CTBP2: variants seen among roughly 807,000 people sequenced by gnomAD.
The protein encoded by CTBP2 is C-terminal binding protein 2.
In CTBP2, 30 loss-of-function variants were observed where a neutral mutation model predicts 80.3. The observed-to-expected ratio is 0.37, with a 90% confidence interval of 0.28 to 0.51. The LOEUF (loss-of-function observed/expected upper bound fraction) is 0.51. Ranked by LOEUF, CTBP2 falls within the 20% of genes least tolerant of loss-of-function variation. The probability of loss-of-function intolerance (pLI) is 0.93; values close to 1 mark genes in which losing one functional copy is unlikely to be tolerated. For synonymous variants in CTBP2, 594 were observed against 587.4 expected, an observed-to-expected ratio of 1.01 and a Z score of -0.16; for missense variants, 1,212 against 1,375.3, an observed-to-expected ratio of 0.88 and a Z score of 1.88.
chr10:125,068,354 A>T (rs1428442168), intron 2 of CTBP2, among the ~76,000 whole-genome samples: 1 of 152,290 alleles, frequency 6.6e-6, no homozygotes, highest in Non-Finnish European at 1.5e-5. Context: ...ACAGGGAGTT[A>T]TATAAACCAA....
At chr10:125,162,391 G>A (rs999814478), upstream of CTBP2, 2 of 152,292 alleles carry the variant, frequency 1.3e-5, no homozygotes, top group Non-Finnish European at 2.9e-5. Context: ...GCATCCCAAA[G>A]AGCGTTGCTC....
intron 2 of CTBP2, among the ~76,000 whole-genome samples, chr10:125,084,915 G>A (rs1398274942): frequency 2.0e-5 from 3 of 152,196 alleles, no homozygotes; most frequent in Non-Finnish European, 2.9e-5. Context: ...GAGTTCCGCC[G>A]TCGCCACGTC....
At chr10:125,045,872 G>A (rs1961109840) in intron 2 of CTBP2, among the ~76,000 whole-genome samples, 1 of 151,980 alleles carries the variant, frequency 6.6e-6, no homozygotes, top group Admixed American at 6.6e-5. Flanking sequence ...TTTCCCCAGG[G>A]AGCACCCAGC....
intron 3 of CTBP2, among the ~76,000 whole-genome samples, chr10:125,036,235 G>A (rs1370121976): frequency 1.3e-5 from 2 of 152,154 alleles, no homozygotes; most frequent in Non-Finnish European, 2.9e-5. Flanking sequence ...TAGAAAACAG[G>A]GAAAGGTTGT....
intron 1 of CTBP2, among the ~76,000 whole-genome samples, chr10:125,120,378 T>A (rs1332423149): frequency 6.6e-6 from 1 of 152,204 alleles, no homozygotes; most frequent in Non-Finnish European, 1.5e-5. Context: ...GCTTTACATA[T>A]CAACACCATT....
At chr10:125,033,686 A>C in intron 3 of CTBP2, among the ~76,000 whole-genome samples, 1 of 150,094 alleles carries the variant, frequency 6.7e-6, no homozygotes, top group Admixed American at 6.6e-5. Context: ...CCCCCGCGGC[A>C]CTCCTTCCCC....
At chr10:125,111,180 T>C (rs907176183) in intron 1 of CTBP2, 87 bp from the exon 2 acceptor site, 3 of 152,236 alleles carry the variant, frequency 2.0e-5, no homozygotes, top group Admixed American at 2.0e-4. Flanking sequence ...ATTGCATTTT[T>C]CCAATGCCTT....
chr10:125,109,280 T>C (rs1401093151), intron 2 of CTBP2, among the ~76,000 whole-genome samples: 2 of 152,234 alleles, frequency 1.3e-5, no homozygotes, highest in Non-Finnish European at 2.9e-5. Context: ...CTGGTACTTG[T>C]CTGGGTGAAA....
chr10:125,153,252 C>A (rs1402109867), intron 1 of CTBP2, among the ~76,000 whole-genome samples: 1 of 152,242 alleles, frequency 6.6e-6, no homozygotes, highest in Non-Finnish European at 1.5e-5. Context: ...CTCTCTCGGG[C>A]CCTGCCCGCT....
chr10:125,161,472 C>A (rs1313470265), upstream of CTBP2, among the ~76,000 whole-genome samples: 2 of 151,976 alleles, frequency 1.3e-5, no homozygotes, highest in African/African-American at 2.4e-5. Flanking sequence ...CGCCAACCAG[C>A]CCCCTTCCCG....
At chr10:125,094,975 GAAGAAGCGCGGAGGAAGC>G (rs1184722571) in intron 2 of CTBP2, among the ~76,000 whole-genome samples, 1 of 152,068 alleles carries the variant, frequency 6.6e-6, no homozygotes, top group Non-Finnish European at 1.5e-5. Context: ...TCCAGCCTCT[GAAGAAGCGCGGAGGAAGC>G]AAGTGTGGCA....
At chr10:125,060,540 T>C (rs1204568934) in intron 2 of CTBP2, among the ~76,000 whole-genome samples, 1 of 151,082 alleles carries the variant, frequency 6.6e-6, no homozygotes, top group Non-Finnish European at 1.5e-5. Flanking sequence ...GCAACACTGG[T>C]TCTGAGCAAG....
In CTBP2 at chr10:125,094,048, T is replaced by C. The variant is rs1396723264; in HGVS notation, c.-102+16942A>G. On this transcript the variant is annotated intron_variant, in intron 2 of 10. Transcript: ENST00000337195. The stretch of plus-strand genomic sequence containing the variant: ...CGAGGAGAAACGCAATATAATGTGG[T>C]TCAAAGGACAGATGGGACTTTCCTA... Among the ~76,000 whole-genome samples, 3 of 152,178 alleles carry C rather than the reference T, an allele frequency of 2.0e-5. No individual in the cohort carries two copies. In the East Asian group the frequency reaches 5.8e-4, roughly 29 times the overall value.
intron 3 of CTBP2, among the ~76,000 whole-genome samples, chr10:125,034,051 A>G (rs1335813720): frequency 6.6e-6 from 1 of 152,202 alleles, no homozygotes; most frequent in East Asian, 1.9e-4. Flanking sequence ...AGTGGCCTTA[A>G]CATGTTGCTA....
chr10:125,152,007 C>A (rs112353254), intron 1 of CTBP2, among the ~76,000 whole-genome samples: 3 of 151,878 alleles, frequency 2.0e-5, no homozygotes, highest in Admixed American at 6.5e-5. Flanking sequence ...AGGCGAGGCG[C>A]GAGGTGGGGG....
chr10:125,062,179 G>A (rs543872899), intron 2 of CTBP2, among the ~76,000 whole-genome samples: 32 of 152,334 alleles, frequency 2.1e-4, no homozygotes, highest in African/African-American at 7.2e-4. Flanking sequence ...AACGGGGTGA[G>A]CAGGGGACGA....
intron 2 of CTBP2, among the ~76,000 whole-genome samples, chr10:125,046,656 TA>T (rs1220177788): frequency 1.3e-5 from 2 of 151,664 alleles, no homozygotes; most frequent in Non-Finnish European, 2.9e-5. Context: ...ACCAAAAAAT[TA>T]AAAGTGAAGC....
At chr10:125,070,986 T>C (rs1845395581) in intron 2 of CTBP2, among the ~76,000 whole-genome samples, 1 of 152,234 alleles carries the variant, frequency 6.6e-6, no homozygotes, top group African/African-American at 2.4e-5. Context: ...AATCACCCAC[T>C]TCCCTCACAC....
At chr10:125,056,544 C>T (rs748846526) in intron 2 of CTBP2, among the ~76,000 whole-genome samples, 1 of 152,218 alleles carries the variant, frequency 6.6e-6, no homozygotes, top group Non-Finnish European at 1.5e-5. Flanking sequence ...GATAACATCA[C>T]AACACAGCGG....
Sources: gnomAD v4.1 joint callset for allele counts (sites outside exome capture counted in the v4.1 genomes callset) on GRCh38, gnomAD v4.1.1 for gene constraint, MANE v1.5 for transcripts, NCBI Gene and HGNC (gene_info 2026-07-23, HGNC 2026-07-21) for gene names.